TXNRD1: variants seen among roughly 807,000 people sequenced by gnomAD.
TXNRD1 encodes thioredoxin reductase 1.
A neutral mutation model predicts 80.3 loss-of-function variants in TXNRD1; 57 were observed. That is an observed-to-expected ratio of 0.71 (90% confidence interval 0.57 to 0.89). The LOEUF is 0.89. Among genes scored for constraint, TXNRD1 ranks in the 40% least tolerant of loss-of-function variants. The pLI is 0.00. For missense variants in TXNRD1, 730 were observed against 803.0 expected, an observed-to-expected ratio of 0.91 and a Z score of 1.10; for synonymous variants, 291 against 285.2, an observed-to-expected ratio of 1.02 and a Z score of -0.20.
chr12:104,237,572 C>T (rs547576706), intron 1 of TXNRD1, among the ~76,000 whole-genome samples: 8 of 152,336 alleles, frequency 5.3e-5, no homozygotes, highest in African/African-American at 1.7e-4. Context: ...GGCCCTGTTC[C>T]TCCAAGGGTT....
chr12:104,326,473 T>A lies in TXNRD1; in HGVS notation c.1385+50T>A, dbSNP rs778348354. ...CATATTTGTGGGATTTTTTTTTTTTTTTTTTTTTTGAGATGGAGTTTCTCT... is the reference window on the plus strand; with the variant it reads ...CATATTTGTGGGATTTTTTTTTTTTATTTTTTTTTGAGATGGAGTTTCTCT... On this transcript the variant is annotated intron_variant, in intron 12 of 16. Coordinates refer to ENST00000525566, the MANE Select transcript of TXNRD1 (RefSeq NM_001093771.3). The A allele has an allele frequency of 2.3e-5, 30 of 1,290,808 alleles. No homozygotes were observed. In the South Asian group the frequency reaches 4.1e-4, roughly 18 times the overall value. 80.0% of individuals were successfully genotyped at this position (1,290,808 alleles called of 1,614,324 possible).
intron 3 of TXNRD1, among the ~76,000 whole-genome samples, chr12:104,274,498 A>G (rs184197069): frequency 8.2e-4 from 125 of 151,936 alleles, no homozygotes; most frequent in Non-Finnish European, 1.3e-3. Flanking sequence ...GAGTTCGAGA[A>G]CAGCCTGGGC....
intron 4 of TXNRD1, among the ~76,000 whole-genome samples, chr12:104,293,900 G>A (rs2034321484): frequency 6.6e-6 from 1 of 152,172 alleles, no homozygotes. Flanking sequence ...GATAGGTAAG[G>A]TCACGTGGGT....
intron 2 of TXNRD1, among the ~76,000 whole-genome samples, chr12:104,254,454 T>C (rs2033193809): frequency 6.6e-6 from 1 of 151,488 alleles, no homozygotes; most frequent in Non-Finnish European, 1.5e-5. Flanking sequence ...GTGCCAACTA[T>C]GTGCCAGGCA....
At chr12:104,226,388 T>C (rs2032473670) in intron 1 of TXNRD1, among the ~76,000 whole-genome samples, 1 of 152,172 alleles carries the variant, frequency 6.6e-6, no homozygotes, top group South Asian at 2.1e-4. Context: ...CTTTATCACT[T>C]CATTTCCATA....
At chr12:104,220,848 C>T (rs1470648481) in intron 1 of TXNRD1, among the ~76,000 whole-genome samples, 2 of 152,040 alleles carry the variant, frequency 1.3e-5, no homozygotes, top group African/African-American at 4.8e-5. Flanking sequence ...CATAAAACAT[C>T]AGGGAATATT....
intron 4 of TXNRD1, among the ~76,000 whole-genome samples, chr12:104,302,924 G>T (rs1036590440): frequency 6.6e-6 from 1 of 152,210 alleles, no homozygotes; most frequent in Non-Finnish European, 1.5e-5. Flanking sequence ...TACTCACCCA[G>T]TTTACAGATT....
chr12:104,278,079 G>T (rs1284436646), intron 3 of TXNRD1, among the ~76,000 whole-genome samples: 2 of 150,686 alleles, frequency 1.3e-5, no homozygotes, highest in Non-Finnish European at 2.9e-5. Flanking sequence ...GGGTTTCATC[G>T]TGTTAGCTGG....
chr12:104,260,327 C>T (rs2033339536), intron 3 of TXNRD1, among the ~76,000 whole-genome samples: 2 of 152,022 alleles, frequency 1.3e-5, no homozygotes, highest in Non-Finnish European at 2.9e-5. Flanking sequence ...ATTAGCCGGG[C>T]ATGGTGGCTC....
At chr12:104,290,017 G>A (rs529899949) in intron 4 of TXNRD1, among the ~76,000 whole-genome samples, 71 of 152,330 alleles carry the variant, frequency 4.7e-4, no homozygotes, top group Admixed American at 1.4e-3. Context: ...AGATTACCAG[G>A]TTAGAAAACT....
intron 3 of TXNRD1, among the ~76,000 whole-genome samples, chr12:104,269,232 G>A (rs1334262387): frequency 6.6e-6 from 1 of 151,998 alleles, no homozygotes; most frequent in African/African-American, 2.4e-5. Context: ...AATGTTCACA[G>A]CATCTTCATC....
At chr12:104,313,420 G>A in intron 6 of TXNRD1, 103 bp downstream of exon 6, 2 of 884,860 alleles carry the variant, frequency 2.3e-6, no homozygotes, top group Non-Finnish European at 3.4e-6. Context: ...CAAAAACTAA[G>A]TTAAAGAAAA....
At chr12:104,263,309 C>T (rs2033407033) in intron 3 of TXNRD1, among the ~76,000 whole-genome samples, 2 of 152,142 alleles carry the variant, frequency 1.3e-5, no homozygotes, top group African/African-American at 4.8e-5. Context: ...AACCTACTGG[C>T]AATTCGTGGC....
chr12:104,302,180 G>A (rs577172771), intron 4 of TXNRD1, among the ~76,000 whole-genome samples: 4 of 152,276 alleles, frequency 2.6e-5, no homozygotes, highest in African/African-American at 9.6e-5. Flanking sequence ...ATTACCCCTA[G>A]TTAATAAAAT....
intron 4 of TXNRD1, among the ~76,000 whole-genome samples, chr12:104,301,882 T>G (rs2034639974): frequency 6.6e-6 from 1 of 152,238 alleles, no homozygotes; most frequent in African/African-American, 2.4e-5. Context: ...GAACTTTTTC[T>G]GAAGAGCAGT....
At chr12:104,252,255 C>T (rs2033135814) in intron 2 of TXNRD1, among the ~76,000 whole-genome samples, 1 of 151,858 alleles carries the variant, frequency 6.6e-6, no homozygotes, top group African/African-American at 2.4e-5. Flanking sequence ...TGATTTGCGG[C>T]CCTTTCAGAT....
rs2035675726 is a variant in TXNRD1, at chr12:104,324,332, A to ATAGTT, written c.1216-1003_1216-999dup. On this transcript the variant is annotated intron_variant, in intron 10 of 16. Transcript: ENST00000525566. ...TTGATGTCAAATAAAATAACCCTGG[A>ATAGTT]TAGTTTCCCAGGTGGGTTTCGTTTT... Among the ~76,000 whole-genome samples, 3 of 151,234 alleles carry ATAGTT rather than the reference A, an allele frequency of 2.0e-5. No homozygotes were observed. In the South Asian group the frequency reaches 6.3e-4, roughly 32 times the overall value.
intron 1 of TXNRD1, among the ~76,000 whole-genome samples, chr12:104,240,437 A>T (rs546681843): frequency 1.3e-5 from 2 of 152,322 alleles, no homozygotes; most frequent in East Asian, 3.9e-4. Flanking sequence ...GTGAACTAGG[A>T]TTACTCCACT....
chr12:104,263,447 C>T (rs1485933733), intron 3 of TXNRD1, among the ~76,000 whole-genome samples: 24 of 152,026 alleles, frequency 1.6e-4, no homozygotes, highest in Non-Finnish European at 7.4e-5. Flanking sequence ...CTGTTGCACA[C>T]ACATGTGGTG....
Sources: gnomAD v4.1 joint callset for allele counts (sites outside exome capture counted in the v4.1 genomes callset) on GRCh38, gnomAD v4.1.1 for gene constraint, MANE v1.5 for transcripts, NCBI Gene and HGNC (gene_info 2026-07-23, HGNC 2026-07-21) for gene names.